The following HERC3 variants were observed in gnomAD, a reference collection of about 807,000 sequenced individuals.
The protein encoded by HERC3 is probable E3 ubiquitin-protein ligase HERC3.
Under a neutral mutation model 129.9 loss-of-function variants are expected in HERC3, and 58 were observed. The observed-to-expected ratio is 0.45, with a 90% CI of 0.36 to 0.56. HERC3 has a LOEUF of 0.56. Among genes scored for constraint, HERC3 ranks in the 20% least tolerant of loss-of-function variants. The probability of loss-of-function intolerance (pLI) is 0.00; values close to 1 mark genes in which losing one functional copy is unlikely to be tolerated. For missense variants in HERC3, 835 were observed against 1,244.2 expected (o/e 0.67, Z 4.95); for synonymous variants, 430 against 451.0 (o/e 0.95, Z 0.59).
In HERC3 at chr4:88,650,003, A is replaced by G; in HGVS notation, c.386+4A>G. 2 of 1,607,162 alleles carry G rather than the reference A, an allele frequency of 1.2e-6. No individual in the cohort carries two copies. Among genetic ancestry groups the G allele is most frequent in the Non-Finnish European group, 1.7e-6 (2 of 1,175,430 alleles). On this transcript the variant is annotated splice_donor_region_variant and intron_variant, in intron 4 of 25. Coordinates refer to ENST00000402738, the MANE Select transcript of HERC3 (RefSeq NM_014606.3). ...AGGATTCTGTGGCAGTGCCCAGGTA[A>G]GAAGGTTTTCAAATGTCAGTCGTTT...
rs148776628 is a variant in HERC3 at position 88,594,966 on chromosome 4, G to A, written c.-87-591G>A. Reference sequence around the variant, plus strand: ...AAAATAGAAAAATTAGCTGGGCGTGGTGGCGGGCGCCTGTAATTCCAGCTA... The same window carrying A: ...AAAATAGAAAAATTAGCTGGGCGTGATGGCGGGCGCCTGTAATTCCAGCTA... On this transcript the variant is annotated intron_variant, in intron 1 of 25. Transcript: ENST00000402738. Among the ~76,000 whole-genome samples the A allele has an allele frequency of 7.3e-3, 1,106 of 151,980 alleles. 15 individuals are homozygous for A. Among genetic ancestry groups the A allele is most frequent in the African/African-American group, 0.025 (1,047 of 41,482 alleles).
intron 3 of HERC3, among the ~76,000 whole-genome samples, chr4:88,609,031 G>C (rs928885251): frequency 1.3e-5 from 2 of 150,444 alleles, no homozygotes; most frequent in African/African-American, 4.9e-5. Context: ...GCACACACCT[G>C]TAATCCCATC....
chr4:88,533,854 A>C, the HERC3 span, among the ~76,000 whole-genome samples: 13 of 152,320 alleles, frequency 8.5e-5, no homozygotes, highest in East Asian at 1.3e-3. Flanking sequence ...CTTACTGGCA[A>C]CTTTGTTCAA....
the HERC3 span, among the ~76,000 whole-genome samples, chr4:88,526,912 A>G: frequency 6.6e-6 from 1 of 152,276 alleles, no homozygotes; most frequent in Non-Finnish European, 1.5e-5. Context: ...TCAAGTTTCC[A>G]ATAGATAAAT....
the HERC3 span, among the ~76,000 whole-genome samples, chr4:88,551,044 C>A: frequency 6.7e-6 from 1 of 148,162 alleles, no homozygotes; most frequent in African/African-American, 2.5e-5. Flanking sequence ...AAAGGATTCC[C>A]TATTTAATAA....
intron 16 of HERC3, among the ~76,000 whole-genome samples, chr4:88,672,193 C>G (rs896687997): frequency 6.6e-6 from 1 of 152,052 alleles, no homozygotes; most frequent in African/African-American, 2.4e-5. Context: ...CTTTTTTACT[C>G]TGAAAAAGAA....
intron 3 of HERC3, among the ~76,000 whole-genome samples, chr4:88,643,064 A>G (rs1309085502): frequency 6.6e-6 from 1 of 152,226 alleles, no homozygotes; most frequent in Non-Finnish European, 1.5e-5. Context: ...TTTAAGGTCA[A>G]TACACAAAAA....
chr4:88,628,362 T>TGAAA (rs1726362647), intron 3 of HERC3, among the ~76,000 whole-genome samples: 1 of 152,204 alleles, frequency 6.6e-6, no homozygotes, highest in Non-Finnish European at 1.5e-5. Context: ...TAACTTTAGC[T>TGAAA]TTCTCTTGAT....
At chr4:88,598,677 C>G (rs1722662407) in intron 2 of HERC3, among the ~76,000 whole-genome samples, 1 of 152,230 alleles carries the variant, frequency 6.6e-6, no homozygotes, top group South Asian at 2.1e-4. Flanking sequence ...TCACAACACT[C>G]TAGCACCTTC....
At chr4:88,646,387 C>G (rs1181313806) in intron 3 of HERC3, among the ~76,000 whole-genome samples, 2 of 152,206 alleles carry the variant, frequency 1.3e-5, no homozygotes, top group Non-Finnish European at 2.9e-5. Context: ...GTAAGCAGCA[C>G]TCCACATTGG....
chr4:88,613,516 T>C (rs1412224869), intron 3 of HERC3, among the ~76,000 whole-genome samples: 1 of 152,206 alleles, frequency 6.6e-6, no homozygotes, highest in Non-Finnish European at 1.5e-5. Flanking sequence ...CTTCTAACCA[T>C]GGTAGAAGTA....
chr4:88,651,606 A>G (rs1169136823), intron 4 of HERC3, among the ~76,000 whole-genome samples: 8 of 152,106 alleles, frequency 5.3e-5, no homozygotes, highest in Admixed American at 1.3e-4. Flanking sequence ...CAATTTCTCT[A>G]TTATCTGTCT....
At chr4:88,654,471 A>C (rs1311389148) in intron 7 of HERC3, among the ~76,000 whole-genome samples, 2 of 146,276 alleles carry the variant, frequency 1.4e-5, no homozygotes, top group Non-Finnish European at 3.0e-5. Flanking sequence ...ATATATAAAT[A>C]TAATGTATAT....
chr4:88,554,555 C>A, the HERC3 span, among the ~76,000 whole-genome samples: 79 of 152,198 alleles, frequency 5.2e-4, 1 homozygote, highest in African/African-American at 1.9e-3. Context: ...GCATAGGTAG[C>A]CCACAGTTTT....
At position 88,687,271 on chromosome 4, in the gene HERC3, G is replaced by A; in HGVS notation, c.2629G>A (p.Asp877Asn). 1.2e-6 allele frequency: 2 copies of A among 1,612,744 alleles called. No homozygotes were observed. The highest frequency in any genetic ancestry group is 2.2e-5 in the East Asian group (1 of 44,832). Residue 877 changes from aspartate to asparagine, a missense_variant, in exon 23 of 26, where the codon GAT becomes AAT. Transcript: ENST00000402738. ...IEQKKLIPGG[D>N]NVTVCKDNRQ... ...ACAGAAGAAGCTGATACCTGGGGGA[G>A]ATAATGTAACTGTGTGCAAGGATAA...
the HERC3 span, among the ~76,000 whole-genome samples, chr4:88,530,444 A>AT: frequency 6.6e-6 from 1 of 152,214 alleles, no homozygotes; most frequent in Non-Finnish European, 1.5e-5. Flanking sequence ...TATACTGTAT[A>AT]TGAGGCTCAC....
chr4:88,706,069 A>G (rs1027865793), intron 25 of HERC3, among the ~76,000 whole-genome samples: 2 of 152,226 alleles, frequency 1.3e-5, no homozygotes, highest in African/African-American at 4.8e-5. Context: ...TGTTCATTAG[A>G]CTTACAGAAA....
intron 25 of HERC3, among the ~76,000 whole-genome samples, chr4:88,704,870 T>C (rs920650755): frequency 3.3e-5 from 5 of 149,982 alleles, no homozygotes; most frequent in African/African-American, 9.9e-5. Context: ...TTTCTTTTTT[T>C]TTTTTTTTGA....
At chr4:88,616,293 C>G (rs1724889583) in intron 3 of HERC3, among the ~76,000 whole-genome samples, 1 of 152,208 alleles carries the variant, frequency 6.6e-6, no homozygotes, top group Admixed American at 6.5e-5. Flanking sequence ...CATCTTCTCT[C>G]TATGCAATTG....
Sources: gnomAD v4.1 joint callset for allele counts (sites outside exome capture counted in the v4.1 genomes callset) on GRCh38, gnomAD v4.1.1 for gene constraint, MANE v1.5 for transcripts, NCBI Gene and HGNC (gene_info 2026-07-23, HGNC 2026-07-21) for gene names.